Variants in SPACA7 observed in about 807,000 individuals in gnomAD.
SPACA7 encodes sperm acrosome associated 7.
In SPACA7, 19 loss-of-function variants were observed where a neutral mutation model predicts 26.3. The ratio of observed to expected loss-of-function variants is 0.72; its 90% confidence interval spans 0.50 to 1.06. SPACA7 has a LOEUF of 1.06. Ranked by LOEUF, SPACA7 falls within the 50% of genes least tolerant of loss-of-function variation. SPACA7 has a pLI of 0.00. For missense variants in SPACA7, 211 were observed against 229.9 expected, an observed-to-expected ratio of 0.92 and a Z score of 0.53; for synonymous variants, 84 against 84.5, an observed-to-expected ratio of 0.99 and a Z score of 0.04.
At chr13:112,416,913 A>G (rs1886728481) in intron 5 of SPACA7, among the ~76,000 whole-genome samples, 1 of 151,998 alleles carries the variant, frequency 6.6e-6, no homozygotes, top group Admixed American at 6.6e-5. Context: ...GTAGCAGATT[A>G]CTGAAGAATG....
chr13:112,416,272 A>AGTT (rs869232647), intron 5 of SPACA7, among the ~76,000 whole-genome samples: 7 of 82,788 alleles, frequency 8.5e-5, no homozygotes, highest in East Asian at 3.5e-4. Flanking sequence ...CTGGATTGTC[A>AGTT]GTTGTTGTTG....
chr13:112,411,071 G>A (rs1034049), intron 5 of SPACA7, among the ~76,000 whole-genome samples: 99,645 of 151,640 alleles, frequency 0.66, 33,253 homozygotes, highest in African/African-American at 0.78. Context: ...AATGTGACTG[G>A]TAATTCATCA....
chr13:112,421,247 T>C (rs1206779872), intron 5 of SPACA7, among the ~76,000 whole-genome samples: 1 of 130,520 alleles, frequency 7.7e-6, no homozygotes, highest in Admixed American at 7.3e-5. Context: ...AAAAAAAGTA[T>C]GTCAACAAAG....
intron 5 of SPACA7, among the ~76,000 whole-genome samples, chr13:112,410,532 T>G (rs1886282558): frequency 6.6e-6 from 1 of 152,034 alleles, no homozygotes; most frequent in Non-Finnish European, 1.5e-5. Context: ...AGTAAAACAG[T>G]GATGACCCTT....
At chr13:112,429,669 C>T (rs1177951825) in intron 5 of SPACA7, among the ~76,000 whole-genome samples, 2 of 152,010 alleles carry the variant, frequency 1.3e-5, no homozygotes, top group Non-Finnish European at 2.9e-5. Context: ...TCTAATTCTA[C>T]TCTCATGTCA....
intron 1 of SPACA7, among the ~76,000 whole-genome samples, chr13:112,391,578 G>A (rs1042393684): frequency 1.3e-5 from 2 of 152,120 alleles, no homozygotes; most frequent in Admixed American, 1.3e-4. Flanking sequence ...CATGGCGTGC[G>A]GCACCTTAAA....
rs565016999 is a variant in SPACA7 at position 112,381,802 on chromosome 13, C to T, written c.94+5323C>T. Among the ~76,000 whole-genome samples the T allele has an allele frequency of 2.4e-4, 37 of 151,894 alleles. No individual in the cohort carries two copies. In the South Asian group the frequency reaches 6.7e-3, roughly 27 times the overall value. On this transcript the variant is annotated intron_variant, in intron 1 of 6. Coordinates refer to ENST00000283550, the MANE Select transcript of SPACA7 (RefSeq NM_145248.5). ...TGTCTTTTTGCACTGAGTCAGTTCCCGGGTGGGGGCCACAAGATCAGATGA... is the reference window on the plus strand; with the variant it reads ...TGTCTTTTTGCACTGAGTCAGTTCCTGGGTGGGGGCCACAAGATCAGATGA...
chr13:112,398,170 A>T (rs1470501414), intron 3 of SPACA7, 32 bp downstream of exon 3: 1 of 1,507,822 alleles, frequency 6.6e-7, no homozygotes, highest in Non-Finnish European at 9.2e-7. Context: ...CCCCTTTCTA[A>T]CCCTCTAATT....
chr13:112,432,633 G>C (rs1338150058), intron 6 of SPACA7, 112 bp downstream of exon 6: 12 of 770,304 alleles, frequency 1.6e-5, no homozygotes, highest in Non-Finnish European at 2.4e-5. Flanking sequence ...CCAGCCCCCA[G>C]GTGGACCTAC....
intron 1 of SPACA7, among the ~76,000 whole-genome samples, chr13:112,380,233 G>A (rs1182095400): frequency 1.3e-5 from 2 of 151,888 alleles, no homozygotes; most frequent in Non-Finnish European, 2.9e-5. Flanking sequence ...TGACCAACAT[G>A]GTGAAACCCC....
At position 112,424,360 on chromosome 13, in the gene SPACA7, C is replaced by T. The variant is rs116825954; in HGVS notation, c.446-8084C>T. On this transcript the variant is annotated intron_variant, in intron 5 of 6. Coordinates refer to ENST00000283550, the MANE Select transcript of SPACA7 (RefSeq NM_145248.5). Reference sequence around the variant, plus strand: ...GGAGCTTCTGCTTCTTCCCCAGTTACGGCTTCCCTGCAGGAGTCTGTGGAC... The same window carrying T: ...GGAGCTTCTGCTTCTTCCCCAGTTATGGCTTCCCTGCAGGAGTCTGTGGAC... Among the ~76,000 whole-genome samples the T allele has an allele frequency of 7.9e-3, 1,200 of 152,294 alleles. 14 individuals are homozygous for T. Among genetic ancestry groups the T allele is most frequent in the African/African-American group, 0.027 (1,138 of 41,566 alleles).
intron 2 of SPACA7, among the ~76,000 whole-genome samples, chr13:112,397,361 C>T (rs546921979): frequency 2.0e-5 from 3 of 152,262 alleles, no homozygotes; most frequent in Non-Finnish European, 4.4e-5. Context: ...GCAGAGACAG[C>T]GGTGACTCTC....
chr13:112,410,125 C>A (rs1331445468), intron 5 of SPACA7, among the ~76,000 whole-genome samples: 1 of 151,998 alleles, frequency 6.6e-6, no homozygotes, highest in Non-Finnish European at 1.5e-5. Flanking sequence ...GACAAAAAAC[C>A]AAACACCACA....
intron 5 of SPACA7, among the ~76,000 whole-genome samples, chr13:112,425,292 C>G (rs1876427528): frequency 6.6e-6 from 1 of 152,140 alleles, no homozygotes; most frequent in Admixed American, 6.5e-5. Context: ...TGGGGAAAAC[C>G]ATTTCTCCAT....
chr13:112,412,716 CT>C (rs1297118199), intron 5 of SPACA7, among the ~76,000 whole-genome samples: 1 of 152,046 alleles, frequency 6.6e-6, no homozygotes, highest in Non-Finnish European at 1.5e-5. Context: ...GGAGACTATC[CT>C]TTTTCAAATG....
chr13:112,418,588 G>T (rs1415239651), intron 5 of SPACA7, among the ~76,000 whole-genome samples: 1 of 152,222 alleles, frequency 6.6e-6, no homozygotes, highest in Non-Finnish European at 1.5e-5. Flanking sequence ...CTTTGGGTCA[G>T]AGGGCACTTG....
intron 5 of SPACA7, among the ~76,000 whole-genome samples, chr13:112,406,682 G>A (rs1325091246): frequency 6.6e-6 from 1 of 152,106 alleles, no homozygotes; most frequent in Non-Finnish European, 1.5e-5. Context: ...TCATTAGGAT[G>A]GGTAACATTA....
chr13:112,386,821 C>T lies in SPACA7; in HGVS notation c.95-6200C>T, dbSNP rs536367437. ...CTCTTATTACCTGACTTTAGCCAGGCCAAGTGGCTAATATTTTTAGCTTCT... is the reference window on the plus strand; with the variant it reads ...CTCTTATTACCTGACTTTAGCCAGGTCAAGTGGCTAATATTTTTAGCTTCT... On this transcript the variant is annotated intron_variant, in intron 1 of 6. Transcript: ENST00000283550. Among the ~76,000 whole-genome samples the T allele has an allele frequency of 2.6e-4, 40 of 152,274 alleles. No homozygotes were observed. The South Asian group carries it at 8.3e-3, about 32-fold the overall frequency.
At chr13:112,400,552 T>C (rs1164294669) in intron 4 of SPACA7, among the ~76,000 whole-genome samples, 1 of 152,196 alleles carries the variant, frequency 6.6e-6, no homozygotes, top group Admixed American at 6.5e-5. Context: ...TTACTGATTG[T>C]GAGCCAAGAA....
Sources: gnomAD v4.1 joint callset for allele counts (sites outside exome capture counted in the v4.1 genomes callset) on GRCh38, gnomAD v4.1.1 for gene constraint, MANE v1.5 for transcripts, NCBI Gene and HGNC (gene_info 2026-07-23, HGNC 2026-07-21) for gene names.